RGS8: variants seen among roughly 807,000 people sequenced by gnomAD.
The protein encoded by RGS8 is regulator of G protein signaling 8.
A neutral mutation model predicts 21.7 loss-of-function variants in RGS8; 8 were observed. That is an observed-to-expected ratio of 0.37 (90% CI 0.22 to 0.66). The LOEUF is 0.66. Ranked by LOEUF, RGS8 falls within the 30% of genes least tolerant of loss-of-function variation. The pLI, the probability that RGS8 is intolerant of heterozygous loss-of-function variation, is 0.59. For synonymous variants in RGS8, 80 were observed against 83.6 expected (o/e 0.96, Z 0.24); for missense variants, 157 against 217.9 (o/e 0.72, Z 1.76).
chr1:182,734,230 T>C, the RGS8 span, among the ~76,000 whole-genome samples: 1 of 152,188 alleles, frequency 6.6e-6, no homozygotes, highest in Non-Finnish European at 1.5e-5. Flanking sequence ...CCCAAGTTAT[T>C]TATTTTGATG....
chr1:182,732,136 T>C, the RGS8 span, among the ~76,000 whole-genome samples: 1 of 152,202 alleles, frequency 6.6e-6, no homozygotes, highest in Non-Finnish European at 1.5e-5. Flanking sequence ...ACTTCCAGGA[T>C]GTTAACTGGT....
At chr1:182,643,336 C>CCCG (rs1453175422), downstream of RGS8, 5 of 136,166 alleles carry the variant, frequency 3.7e-5, no homozygotes, top group African/African-American at 1.5e-4. Context: ...CCCCCGCCCC[C>CCCG]GCGCTGTGTT....
At chr1:182,720,837 ATATC>A in the RGS8 span, among the ~76,000 whole-genome samples, 8 of 150,566 alleles carry the variant, frequency 5.3e-5, no homozygotes, top group South Asian at 1.7e-3. Flanking sequence ...TTATACATAT[ATATC>A]TGTGTGTATA....
At chr1:182,643,478 G>A (rs1417982901), downstream of RGS8, 1 of 152,116 alleles carries the variant, frequency 6.6e-6, no homozygotes, top group African/African-American at 2.4e-5. Context: ...GGTGGGACCT[G>A]GACATCTGGG....
chr1:182,672,786 T>A, upstream of RGS8: 1 of 1,613,746 alleles, frequency 6.2e-7, no homozygotes, highest in Non-Finnish European at 8.5e-7. Context: ...TTTTCTGTCT[T>A]TTCCATTTCT....
the RGS8 span, among the ~76,000 whole-genome samples, chr1:182,720,088 T>G: frequency 6.6e-6 from 1 of 152,236 alleles, no homozygotes; most frequent in Admixed American, 6.5e-5. Context: ...AAAACTTATC[T>G]TAAATATTTT....
intron 5 of RGS8, among the ~76,000 whole-genome samples, chr1:182,660,662 T>C (rs1663540943): frequency 6.7e-6 from 1 of 149,734 alleles, no homozygotes; most frequent in South Asian, 2.2e-4. Context: ...CCATACGAGA[T>C]ACAGTCTTTA....
rs897875057 is a variant in RGS8, at chr1:182,649,580, T to G, written c.194-1277A>C. The stretch of plus-strand genomic sequence containing the variant: ...TAATATGGCTTTTCATTTTTATTAA[T>G]CAATGTCATACATATTGTCAAGCAG... On this transcript the variant is annotated intron_variant, in intron 5 of 6. Coordinates refer to ENST00000483095, the Ensembl canonical transcript of RGS8. Among the ~76,000 whole-genome samples the G allele has an allele frequency of 2.0e-5, 3 of 152,212 alleles. No homozygotes were observed. In the East Asian group the frequency reaches 5.8e-4, roughly 29 times the overall value.
chr1:182,697,108 C>T, the RGS8 span, among the ~76,000 whole-genome samples: 1 of 152,168 alleles, frequency 6.6e-6, no homozygotes, highest in East Asian at 1.9e-4. Flanking sequence ...TTTTACTGGC[C>T]AACCCAAGCC....
chr1:182,654,962 G>A (rs1237959658), intron 5 of RGS8, among the ~76,000 whole-genome samples: 1 of 152,152 alleles, frequency 6.6e-6, no homozygotes, highest in Non-Finnish European at 1.5e-5. Context: ...TGAAGCCAGA[G>A]AAAGAATTTT....
the RGS8 span, among the ~76,000 whole-genome samples, chr1:182,746,647 G>A: frequency 4.7e-5 from 7 of 150,348 alleles, no homozygotes; most frequent in Admixed American, 4.7e-4. Flanking sequence ...GTAAGACTCT[G>A]TCAAAAAAAG....
chr1:182,737,303 T>G, the RGS8 span, among the ~76,000 whole-genome samples: 2 of 151,396 alleles, frequency 1.3e-5, no homozygotes, highest in Non-Finnish European at 2.9e-5. Context: ...AAAAATTAAC[T>G]ATATAATAAA....
chr1:182,669,550 A>G, intron 3 of RGS8, 74 bp downstream of exon 4: 1 of 1,609,844 alleles, frequency 6.2e-7, no homozygotes, highest in Non-Finnish European at 8.5e-7. Context: ...CCAGACTCAA[A>G]TAACAGAGGG....
At chr1:182,717,367 G>C in the RGS8 span, among the ~76,000 whole-genome samples, 1 of 152,202 alleles carries the variant, frequency 6.6e-6, no homozygotes, top group Admixed American at 6.5e-5. Context: ...CTATGGAAAA[G>C]AGTCAGACTC....
the RGS8 span, among the ~76,000 whole-genome samples, chr1:182,713,965 A>C: frequency 6.6e-6 from 1 of 152,228 alleles, no homozygotes; most frequent in Non-Finnish European, 1.5e-5. Flanking sequence ...AATTGTTTGC[A>C]TTTTGATATA....
chr1:182,663,957 A>G (rs1663726645), intron 5 of RGS8, among the ~76,000 whole-genome samples: 1 of 152,186 alleles, frequency 6.6e-6, no homozygotes, highest in African/African-American at 2.4e-5. Context: ...CGTCTGAGCC[A>G]CTGCACCTGT....
upstream of RGS8, among the ~76,000 whole-genome samples, chr1:182,677,853 T>C (rs1326482707): frequency 6.6e-6 from 1 of 152,180 alleles, no homozygotes; most frequent in Admixed American, 6.5e-5. Context: ...TGAAATGGTA[T>C]AGCAACAGCA....
the RGS8 span, among the ~76,000 whole-genome samples, chr1:182,715,945 C>G: frequency 6.6e-6 from 1 of 152,194 alleles, no homozygotes; most frequent in East Asian, 1.9e-4. Context: ...CTTTCATATC[C>G]AAGGGGCATA....
the RGS8 span, among the ~76,000 whole-genome samples, chr1:182,741,415 C>CT: frequency 1.5e-5 from 2 of 132,974 alleles, no homozygotes; most frequent in Non-Finnish European, 1.6e-5. Flanking sequence ...GGGGCTGACC[C>CT]CCCCACCTCC....
Sources: gnomAD v4.1 joint callset for allele counts (sites outside exome capture counted in the v4.1 genomes callset) on GRCh38, gnomAD v4.1.1 for gene constraint, MANE v1.5 for transcripts, NCBI Gene and HGNC (gene_info 2026-07-23, HGNC 2026-07-21) for gene names.